The following GRID2 variants were observed in gnomAD, a reference collection of about 807,000 sequenced individuals.
The protein encoded by GRID2 is glutamate ionotropic receptor delta type subunit 2.
Under a neutral mutation model 114.8 loss-of-function variants are expected in GRID2, and 33 were observed. The observed-to-expected ratio is 0.29, with a 90% CI of 0.22 to 0.38. GRID2 has a LOEUF of 0.38. Ranked by LOEUF, GRID2 falls within the 10% of genes least tolerant of loss-of-function variation. The pLI, the probability that GRID2 is intolerant of heterozygous loss-of-function variation, is 1.00. For synonymous variants in GRID2, 505 were observed against 449.9 expected (o/e 1.12, Z -1.55); for missense variants, 1,184 against 1,257.7 (o/e 0.94, Z 0.89).
chr4:93,561,925 C>T (rs1734962638), intron 13 of GRID2, among the ~76,000 whole-genome samples: 1 of 152,080 alleles, frequency 6.6e-6, no homozygotes, highest in Admixed American at 6.6e-5. Context: ...TATCTATTAG[C>T]CTACTGAAGT....
chr4:92,464,160 A>T (rs1721633704), intron 1 of GRID2, among the ~76,000 whole-genome samples: 1 of 152,010 alleles, frequency 6.6e-6, no homozygotes, highest in Admixed American at 6.6e-5. Flanking sequence ...ATCTGTGATG[A>T]GTAAATTAAG....
intron 2 of GRID2, among the ~76,000 whole-genome samples, chr4:92,802,501 T>C (rs933581500): frequency 1.3e-5 from 2 of 151,866 alleles, no homozygotes; most frequent in Non-Finnish European, 2.9e-5. Context: ...TGCATTAAAA[T>C]CTACTCTATC....
intron 8 of GRID2, among the ~76,000 whole-genome samples, chr4:93,260,691 C>G (rs1255468409): frequency 1.3e-5 from 2 of 151,720 alleles, no homozygotes; most frequent in Admixed American, 1.3e-4. Context: ...AGTTTGTACC[C>G]AACGTTCATA....
intron 2 of GRID2, among the ~76,000 whole-genome samples, chr4:92,889,606 A>C (rs1434977463): frequency 6.6e-6 from 1 of 152,172 alleles, no homozygotes; most frequent in Non-Finnish European, 1.5e-5. Flanking sequence ...CCACTGCTCA[A>C]GGAAATGAGA....
chr4:93,096,116 G>A (rs1308437212), intron 3 of GRID2, among the ~76,000 whole-genome samples: 2 of 151,926 alleles, frequency 1.3e-5, no homozygotes, highest in East Asian at 1.9e-4. Flanking sequence ...CAATTCAGTG[G>A]TGAAATGTTT....
chr4:93,323,530 G>T (rs1757478916), intron 8 of GRID2, among the ~76,000 whole-genome samples: 2 of 152,108 alleles, frequency 1.3e-5, no homozygotes, highest in South Asian at 4.2e-4. Context: ...GGCTATGCAG[G>T]CCCTTTTTTG....
chr4:93,351,448 A>G (rs1340480132), intron 8 of GRID2, among the ~76,000 whole-genome samples: 3 of 152,090 alleles, frequency 2.0e-5, no homozygotes, highest in Non-Finnish European at 4.4e-5. Context: ...ATTGACATTC[A>G]CAAGTGTCTG....
At chr4:93,225,160 C>T (rs1000533429) in intron 7 of GRID2, among the ~76,000 whole-genome samples, 7 of 152,206 alleles carry the variant, frequency 4.6e-5, no homozygotes, top group Non-Finnish European at 4.4e-5. Flanking sequence ...AGATAATATA[C>T]ATGGTAAGAC....
chr4:92,496,798 CAT>C lies in GRID2; in HGVS notation c.89-93328_89-93327del, dbSNP rs1196601173. 1.1e-4 allele frequency among the ~76,000 whole-genome samples: 16 copies of C among 151,768 alleles called. No homozygotes were observed. The South Asian group carries it at 3.3e-3, about 31-fold the overall frequency. On this transcript the variant is annotated intron_variant, in intron 1 of 15. Transcript: ENST00000282020. ...TGACACTGTGGCTAACCAGAAGGGACATATATTCACACCACCTAAATATGAGA... is the reference window on the plus strand; with the variant it reads ...TGACACTGTGGCTAACCAGAAGGGACATATTCACACCACCTAAATATGAGA...
At chr4:92,503,011 C>T (rs550677260) in intron 1 of GRID2, among the ~76,000 whole-genome samples, 7 of 151,998 alleles carry the variant, frequency 4.6e-5, no homozygotes, top group African/African-American at 1.7e-4. Context: ...ATATGATTTT[C>T]AAAAGCAAAG....
intron 14 of GRID2, among the ~76,000 whole-genome samples, chr4:93,668,165 AT>A (rs1448356155): frequency 5.9e-5 from 9 of 151,982 alleles, no homozygotes; most frequent in African/African-American, 2.2e-4. Flanking sequence ...ATAATTTTTT[AT>A]ATACCTAAAG....
rs1380912409 is a variant in GRID2, at chr4:92,545,192, A to G, written c.89-44939A>G. Among the ~76,000 whole-genome samples the G allele has an allele frequency of 2.7e-5, 4 of 147,012 alleles. No individual in the cohort carries two copies. The South Asian group carries it at 6.7e-4, about 25-fold the overall frequency. ...AATGAAAACCTATTTTCAATTTGCT[A>G]TGTCAGCTAAAGAAAGTAAAAAAAA... On this transcript the variant is annotated intron_variant, in intron 1 of 15. Coordinates refer to ENST00000282020, the MANE Select transcript of GRID2 (RefSeq NM_001510.4).
chr4:92,982,104 G>C (rs1754259780), intron 2 of GRID2, among the ~76,000 whole-genome samples: 1 of 150,230 alleles, frequency 6.7e-6, no homozygotes, highest in South Asian at 2.1e-4. Flanking sequence ...ATAAGTAGGA[G>C]TCTCATTTTT....
chr4:92,494,789 T>C (rs1024534401), intron 1 of GRID2, among the ~76,000 whole-genome samples: 5 of 152,070 alleles, frequency 3.3e-5, no homozygotes, highest in Non-Finnish European at 7.4e-5. Flanking sequence ...AGGGGCTATG[T>C]ACACAGTAGC....
chr4:93,141,639 A>C (rs1735777840), intron 4 of GRID2, among the ~76,000 whole-genome samples: 2 of 152,250 alleles, frequency 1.3e-5, no homozygotes, highest in African/African-American at 4.8e-5. Context: ...AGTTCATTTA[A>C]GATTGATTAA....
At chr4:92,734,296 T>C (rs1051738637) in intron 2 of GRID2, among the ~76,000 whole-genome samples, 9 of 151,092 alleles carry the variant, frequency 6.0e-5, no homozygotes, top group Non-Finnish European at 1.0e-4. Context: ...TTTACTTTAC[T>C]TTTTTTTTAA....
Position 93,311,050 on chromosome 4 carries a change from A to G in GRID2, c.1245+72560A>G, listed in dbSNP as rs180874733. Among the ~76,000 whole-genome samples the G allele has an allele frequency of 2.1e-3, 315 of 152,322 alleles. 1 individual carries two copies. The highest frequency in any genetic ancestry group is 4.1e-3 in the Non-Finnish European group (281 of 68,036). On this transcript the variant is annotated intron_variant, in intron 8 of 15. Transcript: ENST00000282020. ...TATAAAATTTAGGAGTAATCACTATATAGATTATCATAAAGATCTGGAGAT... is the reference window on the plus strand; with the variant it reads ...TATAAAATTTAGGAGTAATCACTATGTAGATTATCATAAAGATCTGGAGAT...
chr4:93,118,635 G>A (rs1376292769), intron 4 of GRID2, among the ~76,000 whole-genome samples: 1 of 152,158 alleles, frequency 6.6e-6, no homozygotes, highest in Non-Finnish European at 1.5e-5. Context: ...GTTGTTAGCA[G>A]GTCAAAGGGG....
chr4:92,361,665 G>A (rs1257016665), intron 1 of GRID2, among the ~76,000 whole-genome samples: 1 of 151,938 alleles, frequency 6.6e-6, no homozygotes, highest in Non-Finnish European at 1.5e-5. Context: ...AGGTAGTTGC[G>A]AGGGTCAGTG....
Sources: allele counts gnomAD v4.1 joint callset (sites outside exome capture counted in the v4.1 genomes callset), GRCh38; gene constraint gnomAD v4.1.1; transcripts MANE v1.5; gene names NCBI Gene and HGNC (gene_info 2026-07-23, HGNC 2026-07-21).